Variants in PLCB1 observed in about 807,000 individuals in gnomAD.
PLCB1 encodes the protein phospholipase C beta 1.
Under a neutral mutation model 161.8 loss-of-function variants are expected in PLCB1, and 46 were observed. The observed-to-expected ratio is 0.28, with a 90% CI of 0.22 to 0.36. The LOEUF is 0.36. Ranked by LOEUF, PLCB1 falls within the 10% of genes least tolerant of loss-of-function variation. The probability of loss-of-function intolerance (pLI) is 1.00; values close to 1 mark genes in which losing one functional copy is unlikely to be tolerated. For synonymous variants in PLCB1, 517 were observed against 503.7 expected, an observed-to-expected ratio of 1.03 and a Z score of -0.35; for missense variants, 1,016 against 1,472.5, an observed-to-expected ratio of 0.69 and a Z score of 5.07.
intron 31 of PLCB1, among the ~76,000 whole-genome samples, chr20:8,790,596 C>G (rs574129682): frequency 6.6e-6 from 1 of 152,308 alleles, no homozygotes; most frequent in Admixed American, 6.5e-5. Flanking sequence ...TTGGGTACTA[C>G]TAAGTAAACG....
intron 3 of PLCB1, among the ~76,000 whole-genome samples, chr20:8,400,494 A>C (rs1978501992): frequency 6.6e-6 from 1 of 152,226 alleles, no homozygotes; most frequent in African/African-American, 2.4e-5. Flanking sequence ...TCTACTAAAA[A>C]GTAAATTACA....
chr20:8,132,613 C>G lies in PLCB1; in HGVS notation c.-39C>G. On this transcript the variant is annotated 5_prime_UTR_variant, in exon 1 of 32. Coordinates refer to ENST00000338037, the MANE Select transcript of PLCB1 (RefSeq NM_015192.4). This position sits in a 1 kb window ranked among gnomAD's most constrained non-coding sequence, Gnocchi z 5.2. ...CCCGCGCACGGTCCCCAGTCCCTGC[C>G]GCGCTCGCCCGGGCCGCCCGGAGCC... 6.8e-7 allele frequency: 1 copy of G among 1,472,124 alleles called. No individual in the cohort carries two copies. The highest frequency in any genetic ancestry group is 9.3e-7 in the Non-Finnish European group (1 of 1,071,496). The allele number at this position is 1,472,124 out of a possible 1,614,324, so 91.2% of individuals were successfully genotyped here. A position where few individuals can be genotyped will look rare whatever the true frequency, so the allele number is the denominator to read the frequency against.
chr20:8,779,243 A>G (rs1047763118), intron 27 of PLCB1, among the ~76,000 whole-genome samples: 5 of 152,270 alleles, frequency 3.3e-5, no homozygotes, highest in African/African-American at 1.2e-4. Context: ...CTGAAAACTT[A>G]GTATTTGCAC....
chr20:8,842,722 G>A (rs1208434598), intron 31 of PLCB1, among the ~76,000 whole-genome samples: 1 of 152,140 alleles, frequency 6.6e-6, no homozygotes, highest in Non-Finnish European at 1.5e-5. Flanking sequence ...CAGGCGGTGC[G>A]TGACTGGGGG....
At chr20:8,743,777 C>T (rs114333205) in intron 23 of PLCB1, among the ~76,000 whole-genome samples, 2,842 of 152,198 alleles carry the variant, frequency 0.019, 77 homozygotes, top group African/African-American at 0.062. Flanking sequence ...TTACATCTCT[C>T]ATTCTGATAT....
At chr20:8,711,135 G>A (rs978596318) in intron 12 of PLCB1, among the ~76,000 whole-genome samples, 3 of 152,212 alleles carry the variant, frequency 2.0e-5, no homozygotes, top group Non-Finnish European at 4.4e-5. Flanking sequence ...TCAAGGCCAT[G>A]TAACTAAAAC....
chr20:8,159,257 C>G (rs1023207825), intron 2 of PLCB1, among the ~76,000 whole-genome samples: 11 of 152,220 alleles, frequency 7.2e-5, no homozygotes, highest in Non-Finnish European at 7.3e-5. Flanking sequence ...CATGTGGAAG[C>G]TGTCAAGGCT....
intron 2 of PLCB1, among the ~76,000 whole-genome samples, chr20:8,348,798 T>A (rs1302077727): frequency 6.6e-6 from 1 of 152,188 alleles, no homozygotes; most frequent in African/African-American, 2.4e-5. Flanking sequence ...AACTCATATT[T>A]AGCAGTTGGT....
chr20:8,565,919 A>G (rs139420919), intron 3 of PLCB1, among the ~76,000 whole-genome samples: 1 of 152,260 alleles, frequency 6.6e-6, no homozygotes, highest in East Asian at 1.9e-4. Flanking sequence ...GAAATTTACA[A>G]GAAGTGTGTG....
rs1987725766 is a variant in PLCB1 at position 8,605,381 on chromosome 20, G to A, written c.247-22913G>A. On this transcript the variant is annotated intron_variant, in intron 3 of 31. Transcript: ENST00000338037. ...TTCCACTTATAGACGTAGTTCACTT[G>A]ATTAATTTTGAATTCCCCTTAATTG... Among the ~76,000 whole-genome samples the A allele has an allele frequency of 7.2e-5, 11 of 152,024 alleles. No homozygotes were observed. In the South Asian group the frequency reaches 2.3e-3, roughly 32 times the overall value.
chr20:8,143,830 A>G (rs1042938977), intron 1 of PLCB1, among the ~76,000 whole-genome samples: 1 of 152,232 alleles, frequency 6.6e-6, no homozygotes, highest in African/African-American at 2.4e-5. Context: ...TTAGACGTAT[A>G]AAGTCAACCA....
chr20:8,651,894 A>G, intron 7 of PLCB1: 1 of 179,022 alleles, frequency 5.6e-6, no homozygotes, highest in Non-Finnish European at 1.2e-5. Context: ...TCAAGCATAA[A>G]GAGAAAACAT....
intron 9 of PLCB1, among the ~76,000 whole-genome samples, chr20:8,681,119 T>TATATATATATATATAAAA (rs1485697576): frequency 2.4e-5 from 2 of 82,094 alleles, no homozygotes; most frequent in African/African-American, 5.9e-5. Context: ...TATATATATA[T>TATATATATATATATAAAA]AATATATATA....
intron 3 of PLCB1, among the ~76,000 whole-genome samples, chr20:8,432,068 C>G (rs897111592): frequency 1.3e-5 from 2 of 152,050 alleles, no homozygotes; most frequent in African/African-American, 4.8e-5. Context: ...TCTAATATCT[C>G]TGTTGTGGGA....
chr20:8,747,587 A>G (rs1227680564), intron 23 of PLCB1, among the ~76,000 whole-genome samples: 1 of 152,294 alleles, frequency 6.6e-6, no homozygotes, highest in East Asian at 1.9e-4. Context: ...TGTTCTTGTG[A>G]GTGAGCTGAA....
chr20:8,789,688 G>T (rs1983659406), intron 30 of PLCB1, 113 bp downstream of exon 30: 3 of 788,014 alleles, frequency 3.8e-6, no homozygotes, highest in East Asian at 4.9e-5. Flanking sequence ...TTTATCACTA[G>T]CACCTAGCAG....
chr20:8,195,515 A>C (rs909539858), intron 2 of PLCB1, among the ~76,000 whole-genome samples: 2 of 152,082 alleles, frequency 1.3e-5, no homozygotes, highest in African/African-American at 4.8e-5. Context: ...CTCTTCATCC[A>C]ACTTCCCCTA....
chr20:8,374,434 C>T (rs920030365), intron 3 of PLCB1, among the ~76,000 whole-genome samples: 45 of 152,114 alleles, frequency 3.0e-4, no homozygotes, highest in African/African-American at 9.4e-4. Flanking sequence ...AGTGTGAGAA[C>T]GGACTATTAC....
At chr20:8,328,188 A>C (rs190425267) in intron 2 of PLCB1, among the ~76,000 whole-genome samples, 35 of 152,276 alleles carry the variant, frequency 2.3e-4, no homozygotes, top group Non-Finnish European at 2.8e-4. Flanking sequence ...ATTTTAGAGC[A>C]TATTGGATTT....
Sources: allele counts gnomAD v4.1 joint callset (sites outside exome capture counted in the v4.1 genomes callset), GRCh38; gene constraint gnomAD v4.1.1; non-coding constraint Gnocchi (gnomAD v3.1); transcripts MANE v1.5; gene names NCBI Gene and HGNC (gene_info 2026-07-23, HGNC 2026-07-21).